Variants in SOX13 observed in about 807,000 individuals in gnomAD.
The protein encoded by SOX13 is SRY-box transcription factor 13.
SOX13 carries 28 observed loss-of-function variants against 71.8 expected under a neutral mutation model. The ratio of observed to expected loss-of-function variants is 0.39; its 90% CI spans 0.29 to 0.53. SOX13 has a LOEUF of 0.53. Among genes scored for constraint, SOX13 ranks in the 20% least tolerant of loss-of-function variants. The pLI is 0.70. For synonymous variants in SOX13, 309 were observed against 317.8 expected (o/e 0.97, Z 0.29); for missense variants, 627 against 810.3 (o/e 0.77, Z 2.75).
At position 204,124,663 on chromosome 1, in the gene SOX13, C is replaced by T; in HGVS notation, c.1398C>T (p.Thr466=). Residue 466 remains threonine (T), a synonymous_variant, in exon 13 of 14, where the codon ACC becomes ACT. Transcript: ENST00000367204. ...KILGSRWKSM[T]NQEKQPYYEE... The stretch of plus-strand genomic sequence containing the variant: ...CAGGATCTCGCTGGAAGTCCATGAC[C>T]AACCAGGAGAAGCAGCCCTACTATG... 6.2e-7 allele frequency: 1 copy of T among 1,612,640 alleles called. No individual in the cohort carries two copies. The highest frequency in any genetic ancestry group is 8.5e-7 in the Non-Finnish European group (1 of 1,179,484).
intron 7 of SOX13, 119 bp from the exon 8 acceptor site, chr1:204,121,781 G>A: frequency 1.3e-6 from 1 of 754,710 alleles, no homozygotes; most frequent in South Asian, 1.5e-5. Flanking sequence ...GCAGTGGTTG[G>A]AACCAAGCTG....
chr1:204,099,424 C>CTTTTTTTTT lies in SOX13; in HGVS notation c.-1-13476_-1-13468dup, dbSNP rs200311750. 3.2e-5 allele frequency among the ~76,000 whole-genome samples: 3 copies of CTTTTTTTTT among 93,484 alleles called. 1 individual carries two copies. The highest frequency in any genetic ancestry group is 0.011 in the Middle Eastern group (1 of 94). The allele number at this position is 93,484 out of a possible 152,430, so 61.3% of individuals were successfully genotyped here. ...TTGGTGTCTCAGTGTCTTTTTCTGG[C>CTTTTTTTTT]TTTTTTTTTTTTTTTTTTTTTTTGA... On this transcript the variant is annotated intron_variant, in intron 1 of 13. Transcript: ENST00000367204.
intron 1 of SOX13, among the ~76,000 whole-genome samples, chr1:204,086,863 T>A (rs1656032526): frequency 6.6e-6 from 1 of 152,124 alleles, no homozygotes. Context: ...CTGGCTCATG[T>A]CCGAAGCCTG....
At chr1:204,120,093 A>G (rs534257422) in intron 7 of SOX13, among the ~76,000 whole-genome samples, 40 of 152,348 alleles carry the variant, frequency 2.6e-4, no homozygotes, top group African/African-American at 9.6e-4. Flanking sequence ...TTCATTCTGA[A>G]GCAAATTCCC....
At chr1:204,103,014 C>G (rs1319758787) in intron 1 of SOX13, among the ~76,000 whole-genome samples, 9 of 152,184 alleles carry the variant, frequency 5.9e-5, no homozygotes, top group Non-Finnish European at 1.0e-4. Flanking sequence ...TCCTTCTCCC[C>G]CTTGCCCTGG....
intron 1 of SOX13, among the ~76,000 whole-genome samples, chr1:204,096,978 T>C (rs1177576120): frequency 6.6e-6 from 1 of 152,214 alleles, no homozygotes; most frequent in Non-Finnish European, 1.5e-5. Context: ...GAAACACTGA[T>C]ACGTGCCTCT....
At chr1:204,092,795 C>T (rs942357612) in intron 1 of SOX13, among the ~76,000 whole-genome samples, 1 of 152,020 alleles carries the variant, frequency 6.6e-6, no homozygotes, top group Non-Finnish European at 1.5e-5. Context: ...ATCAGCTTCC[C>T]GGTGTGTGGT....
chr1:204,117,220 AG>A, intron 6 of SOX13, 30 bp downstream of exon 6: 1 of 1,605,136 alleles, frequency 6.2e-7, no homozygotes, highest in Non-Finnish European at 8.5e-7. Flanking sequence ...GGAGAGGCAC[AG>A]GAGGCAGTTG....
chr1:204,122,213 T>A, intron 8 of SOX13, 24 bp from the exon 9 acceptor site: 1 of 1,547,174 alleles, frequency 6.5e-7, no homozygotes, highest in Non-Finnish European at 8.7e-7. Context: ...TCTGTCATCC[T>A]CTGACCTGCT....
chr1:204,090,258 G>A (rs570977270), intron 1 of SOX13, among the ~76,000 whole-genome samples: 135 of 152,246 alleles, frequency 8.9e-4, no homozygotes, highest in African/African-American at 3.0e-3. Flanking sequence ...TAGGCAGGGA[G>A]AGCATGGGCC....
At chr1:204,122,557 C>T (rs1656831209) in intron 9 of SOX13, 158 bp downstream of exon 9, 1 of 635,980 alleles carries the variant, frequency 1.6e-6, no homozygotes, top group Admixed American at 3.0e-5. Context: ...TTCTTCCTCT[C>T]CCTCATCATA....
chr1:204,116,050 T>G (rs192043837), intron 4 of SOX13: 1 of 627,244 alleles, frequency 1.6e-6, no homozygotes, highest in East Asian at 7.0e-5. Context: ...AACCCTAAAG[T>G]GCAGAGAAAT....
At chr1:204,099,705 G>A (rs891751348) in intron 1 of SOX13, among the ~76,000 whole-genome samples, 1 of 152,058 alleles carries the variant, frequency 6.6e-6, no homozygotes, top group African/African-American at 2.4e-5. Context: ...GTGCCACTGC[G>A]CCCAGTCGGC....
rs1337713490 is a variant in SOX13, at chr1:204,127,246, C to A, written c.*1112C>A. Reference sequence around the variant, plus strand: ...TCAGAGGCCCTGGAGAGGGGCTGTCCATGGCAGCTGGTCTTTATTCCTCCC... The same window carrying A: ...TCAGAGGCCCTGGAGAGGGGCTGTCAATGGCAGCTGGTCTTTATTCCTCCC... On this transcript the variant is annotated 3_prime_UTR_variant, in exon 14 of 14. Coordinates refer to ENST00000367204, the MANE Select transcript of SOX13 (RefSeq NM_005686.3). 3 of 152,296 alleles carry A rather than the reference C, an allele frequency of 2.0e-5. No homozygotes were observed. The highest frequency in any genetic ancestry group is 7.2e-5 in the African/African-American group (3 of 41,452). 9.4% of individuals were successfully genotyped at this position (152,296 alleles called of 1,614,324 possible). A position where few individuals can be genotyped will look rare whatever the true frequency, so the allele number is the denominator to read the frequency against.
At chr1:204,079,933 C>T (rs1326923176) in intron 1 of SOX13, among the ~76,000 whole-genome samples, 1 of 152,132 alleles carries the variant, frequency 6.6e-6, no homozygotes, top group African/African-American at 2.4e-5. Flanking sequence ...GCAGGATGTG[C>T]TGTGTGTGTG....
At chr1:204,083,770 C>T (rs1027323911) in intron 1 of SOX13, among the ~76,000 whole-genome samples, 1 of 152,146 alleles carries the variant, frequency 6.6e-6, no homozygotes, top group Non-Finnish European at 1.5e-5. Flanking sequence ...CCGGGCCACC[C>T]TGGGCTGGGG....
At chr1:204,074,052 C>G (rs1655731825) in intron 1 of SOX13, 1 of 152,090 alleles carries the variant, frequency 6.6e-6, no homozygotes, top group South Asian at 2.1e-4. Context: ...GGGTGCACCC[C>G]CAACCCGCTC....
rs752125027 is a variant in SOX13, at chr1:204,122,953, C to T, written c.1124C>T (p.Pro375Leu). ...GCCTTGGATGGCTCCCCCAACACCC[C>T]CTTCCGTAAGGTATGGTCCCCCACT... is the stretch of plus-strand genomic sequence containing the variant. Reference protein sequence around the residue: ...SGALDGSPNTPFRKDLISLDS... With the variant: ...SGALDGSPNTLFRKDLISLDS... Residue 375 changes from proline to leucine, a missense_variant, in exon 10 of 14, where the codon CCC becomes CTC. This residue lies in a region of SOX13 where 447 missense variants were observed against 532.2 expected (regional missense o/e 0.84). Transcript: ENST00000367204. 3.2e-6 allele frequency: 5 copies of T among 1,586,832 alleles called. No homozygotes were observed. The highest frequency in any genetic ancestry group is 4.3e-6 in the Non-Finnish European group (5 of 1,163,762).
intron 1 of SOX13, chr1:204,074,320 C>G (rs1655738557): frequency 6.6e-6 from 1 of 151,922 alleles, no homozygotes; most frequent in African/African-American, 2.4e-5. Flanking sequence ...TCCGGCTGCT[C>G]CTGTCCCACC....
Sources: gnomAD v4.1 joint callset for allele counts (sites outside exome capture counted in the v4.1 genomes callset) on GRCh38, gnomAD v4.1.1 for gene constraint, gnomAD v4.1.1 regional missense constraint, MANE v1.5 for transcripts, NCBI Gene and HGNC (gene_info 2026-07-23, HGNC 2026-07-21) for gene names.